The following ALPK1 variants were observed in gnomAD, a reference collection of about 807,000 sequenced individuals.
The protein encoded by ALPK1 is alpha kinase 1.
A neutral mutation model predicts 120.6 loss-of-function variants in ALPK1; 110 were observed. The observed-to-expected ratio is 0.91, with a 90% CI of 0.78 to 1.07. The LOEUF is 1.07. ALPK1 is among the 50% of genes least tolerant of loss of function. ALPK1 has a pLI of 0.00. For synonymous variants in ALPK1, 582 were observed against 560.3 expected (o/e 1.04, Z -0.55); for missense variants, 1,498 against 1,483.9 (o/e 1.01, Z -0.16).
rs771056809 is a variant in ALPK1 at position 112,440,977 on chromosome 4, T to C, written c.3599T>C (p.Val1200Ala). ...IYLTDPQIHS[V>A]DQKVFTTNFG... ...CTCACAGATCCCCAGATTCACTCCG[T>C]TGATCAGAAAGTTTTCACTACCAAT... Residue 1200 changes from valine (V) to alanine (A), a missense_variant, in exon 15 of 16, where the codon GTT becomes GCT. Coordinates refer to ENST00000650871, the MANE Select transcript of ALPK1 (RefSeq NM_025144.4). 5 of 1,613,870 alleles carry C rather than the reference T, an allele frequency of 3.1e-6. No homozygotes were observed. The East Asian group carries it at 1.1e-4, about 36-fold the overall frequency.
chr4:112,301,923 C>A (rs1727805002), intron 1 of ALPK1, among the ~76,000 whole-genome samples: 1 of 152,058 alleles, frequency 6.6e-6, no homozygotes, highest in Non-Finnish European at 1.5e-5. Context: ...TCCCATCATC[C>A]AATTACAGTG....
At chr4:112,426,305 G>C in intron 7 of ALPK1, 162 bp from the exon 8 acceptor site, 1 of 438,548 alleles carries the variant, frequency 2.3e-6, no homozygotes, top group Non-Finnish European at 4.0e-6. Flanking sequence ...TATTACAACT[G>C]GAAAAACATT....
At chr4:112,324,359 C>G (rs1345821083) in intron 2 of ALPK1, among the ~76,000 whole-genome samples, 1 of 151,288 alleles carries the variant, frequency 6.6e-6, no homozygotes, top group African/African-American at 2.4e-5. Context: ...AAAGCCTGCT[C>G]TTTGTCCCAG....
At chr4:112,304,258 T>A (rs1727924081) in intron 1 of ALPK1, among the ~76,000 whole-genome samples, 1 of 152,124 alleles carries the variant, frequency 6.6e-6, no homozygotes, top group Non-Finnish European at 1.5e-5. Flanking sequence ...CCTTTGGGTA[T>A]ATACCCAGTA....
At chr4:112,399,387 G>A (rs1297203405) in intron 4 of ALPK1, among the ~76,000 whole-genome samples, 1 of 152,144 alleles carries the variant, frequency 6.6e-6, no homozygotes, top group African/African-American at 2.4e-5. Context: ...ATGGTCACTG[G>A]ATTTGTTAGC....
At chr4:112,406,023 T>C (rs183980522) in intron 4 of ALPK1, among the ~76,000 whole-genome samples, 3 of 152,282 alleles carry the variant, frequency 2.0e-5, no homozygotes, top group East Asian at 1.9e-4. Flanking sequence ...CTGTGCACTC[T>C]TGGTGGGCTT....
At chr4:112,327,397 G>A (rs1453816349) in intron 2 of ALPK1, among the ~76,000 whole-genome samples, 2 of 152,184 alleles carry the variant, frequency 1.3e-5, no homozygotes, top group Non-Finnish European at 2.9e-5. Flanking sequence ...GATTGTTAGT[G>A]CTTTTGTAAT....
chr4:112,421,625 G>A (rs2066058311), intron 5 of ALPK1, among the ~76,000 whole-genome samples: 1 of 152,112 alleles, frequency 6.6e-6, no homozygotes, highest in African/African-American at 2.4e-5. Flanking sequence ...ATTCATGGGG[G>A]ATACGTTCCA....
intron 2 of ALPK1, among the ~76,000 whole-genome samples, chr4:112,342,542 G>A (rs138944887): frequency 6.6e-6 from 1 of 152,038 alleles, no homozygotes; most frequent in African/African-American, 2.4e-5. Flanking sequence ...TAATTTTAAA[G>A]CATGACCTCA....
rs750748558 is a variant in ALPK1, at chr4:112,423,188, T to TGAA, written c.476-747_476-745dup. On this transcript the variant is annotated intron_variant, in intron 5 of 15. Coordinates refer to ENST00000650871, the MANE Select transcript of ALPK1 (RefSeq NM_025144.4). ...AGACAGTGACATTTGAGCAAAGACC[T>TGAA]GAAGAAGAAGAGAGGAAGCCTTGCA... Among the ~76,000 whole-genome samples the TGAA allele has an allele frequency of 1.2e-4, 19 of 152,186 alleles. No homozygotes were observed. In the East Asian group the frequency reaches 2.9e-3, roughly 23 times the overall value.
intron 2 of ALPK1, among the ~76,000 whole-genome samples, chr4:112,375,331 C>A (rs112999756): frequency 7.2e-5 from 11 of 152,188 alleles, no homozygotes; most frequent in African/African-American, 2.6e-4. Flanking sequence ...AGGTGTGCAC[C>A]ACCACACCCA....
chr4:112,413,202 G>A (rs907851847), intron 5 of ALPK1, among the ~76,000 whole-genome samples: 2 of 152,182 alleles, frequency 1.3e-5, no homozygotes, highest in Admixed American at 6.5e-5. Context: ...TTTGAGCAGC[G>A]CATTCTCTGA....
chr4:112,423,854 G>A, intron 5 of ALPK1, 90 bp from the exon 6 acceptor site: 2 of 1,244,658 alleles, frequency 1.6e-6, no homozygotes, highest in South Asian at 1.2e-5. Flanking sequence ...AGTTCCTGCT[G>A]CAATATATCA....
intron 5 of ALPK1, among the ~76,000 whole-genome samples, chr4:112,419,818 A>G (rs904227470): frequency 1.3e-5 from 2 of 152,292 alleles, no homozygotes; most frequent in African/African-American, 2.4e-5. Flanking sequence ...GCCTTGGTTC[A>G]TATCTTTTGG....
At chr4:112,388,216 T>C (rs899757217) in intron 4 of ALPK1, among the ~76,000 whole-genome samples, 7 of 152,184 alleles carry the variant, frequency 4.6e-5, no homozygotes, top group Admixed American at 2.0e-4. Context: ...CTACTTAAGA[T>C]GTTAGAGGGG....
chr4:112,439,833 G>A lies in ALPK1; in HGVS notation c.3499G>A (p.Glu1167Lys). The change falls in exon 14 of 16, where the codon GAG becomes AAG. Residue 1167 changes from glutamate (E) to lysine (K), a missense_variant. Glu to Lys is a moderately conservative substitution (Grantham distance 56, BLOSUM62 1). Coordinates refer to ENST00000650871, the MANE Select transcript of ALPK1 (RefSeq NM_025144.4). The stretch of plus-strand genomic sequence containing the variant: ...CTTGGCCTATGGCCATTTTTCTTAT[G>A]AGTTTTCTAATCATAGAGATGTTGT... ...YGLAYGHFSYEFSNHRDVVVD... is the reference protein window; with the variant it reads ...YGLAYGHFSYKFSNHRDVVVD... 6.2e-7 allele frequency: 1 copy of A among 1,611,050 alleles called. No homozygotes were observed. Among genetic ancestry groups the A allele is most frequent in the Middle Eastern group, 1.7e-4 (1 of 5,972 alleles).
chr4:112,339,285 A>G (rs1022788128), intron 2 of ALPK1, among the ~76,000 whole-genome samples: 1 of 152,208 alleles, frequency 6.6e-6, no homozygotes, highest in African/African-American at 2.4e-5. Flanking sequence ...GTCCATAATC[A>G]AATAAGAAGA....
intron 2 of ALPK1, chr4:112,357,035 C>A (rs1730661059): frequency 1.2e-6 from 1 of 830,218 alleles, no homozygotes; most frequent in Non-Finnish European, 2.1e-6. Context: ...CAGCGCGGAC[C>A]CCACCAGCTC....
At chr4:112,406,704 AC>A (rs1402265254) in intron 4 of ALPK1, among the ~76,000 whole-genome samples, 1 of 152,046 alleles carries the variant, frequency 6.6e-6, no homozygotes, top group Non-Finnish European at 1.5e-5. Context: ...TATTACTCTA[AC>A]CTTTCCCTGC....
Sources: allele counts gnomAD v4.1 joint callset (sites outside exome capture counted in the v4.1 genomes callset), GRCh38; gene constraint gnomAD v4.1.1; transcripts MANE v1.5; gene names NCBI Gene and HGNC (gene_info 2026-07-23, HGNC 2026-07-21).